ZNF480: variants seen among roughly 807,000 people sequenced by gnomAD.
ZNF480 encodes zinc finger protein 480.
In ZNF480, 15 loss-of-function variants were observed where a neutral mutation model predicts 14.4. That is an observed-to-expected ratio of 1.04 (90% CI 0.70 to 1.60). ZNF480 has a LOEUF of 1.60. ZNF480 is among the 40% of genes most tolerant of loss of function. The pLI, the probability that ZNF480 is intolerant of heterozygous loss-of-function variation, is 0.00. For synonymous variants in ZNF480, 218 were observed against 215.5 expected, an observed-to-expected ratio of 1.01 and a Z score of -0.10; for missense variants, 593 against 629.7, an observed-to-expected ratio of 0.94 and a Z score of 0.62.
At chr19:52,307,763 G>A (rs542522507) in intron 2 of ZNF480, among the ~76,000 whole-genome samples, 63 of 152,330 alleles carry the variant, frequency 4.1e-4, no homozygotes, top group African/African-American at 1.5e-3. Context: ...GGCTCTGGCT[G>A]ATTATCTGCA....
chr19:52,301,719 A>C (rs1158895632), intron 2 of ZNF480: 1 of 152,196 alleles, frequency 6.6e-6, no homozygotes, highest in Non-Finnish European at 1.5e-5. Flanking sequence ...CTGTGACAGC[A>C]ATCAATCCCA....
intron 1 of ZNF480, 44 bp from the exon 2 acceptor site, chr19:52,300,350 G>T (rs751547479): frequency 1.3e-6 from 2 of 1,594,288 alleles, no homozygotes; most frequent in African/African-American, 2.7e-5. Context: ...CAGGAAAAGG[G>T]TGTGTTGATT....
intron 1 of ZNF480, 100 bp downstream of exon 1, chr19:52,297,323 C>G: frequency 4.9e-6 from 2 of 406,940 alleles, no homozygotes; most frequent in Non-Finnish European, 9.8e-6. Context: ...ATCCTCGCAC[C>G]GCTCCCTCTA....
At chr19:52,315,548 C>T (rs187806532) in intron 3 of ZNF480, among the ~76,000 whole-genome samples, 29 of 150,628 alleles carry the variant, frequency 1.9e-4, no homozygotes, top group African/African-American at 7.1e-4. Flanking sequence ...CTCGAACTCC[C>T]GACCTCAGGT....
intron 3 of ZNF480, 149 bp from the exon 4 acceptor site, chr19:52,315,685 T>C: frequency 1.2e-6 from 1 of 857,154 alleles, no homozygotes. Context: ...TGTTATAATA[T>C]TCCCTAAGCA....
chr19:52,322,451 T>C lies in ZNF480; in HGVS notation c.1201T>C (p.Cys401Arg). 6.2e-7 allele frequency: 1 copy of C among 1,614,002 alleles called. No individual in the cohort carries two copies. Among genetic ancestry groups the C allele is most frequent in the Non-Finnish European group, 8.5e-7 (1 of 1,179,958 alleles). Residue 401 changes from cysteine to arginine, a missense_variant, in exon 5 of 5, where the codon TGT becomes CGT. Physicochemically the swap from Cys to Arg is radical, Grantham distance 180. Coordinates refer to ENST00000595962, the MANE Select transcript of ZNF480 (RefSeq NM_144684.4). Reference protein sequence around the residue: ...RIHTGEKPYKCNECGKVFNQL... With the variant: ...RIHTGEKPYKRNECGKVFNQL... Reference sequence around the variant, plus strand: ...TCATACAGGAGAGAAACCTTACAAATGTAATGAATGTGGAAAAGTATTTAA... The same window carrying C: ...TCATACAGGAGAGAAACCTTACAAACGTAATGAATGTGGAAAAGTATTTAA...
At chr19:52,319,708 A>C (rs546445978) in intron 4 of ZNF480, among the ~76,000 whole-genome samples, 23 of 151,138 alleles carry the variant, frequency 1.5e-4, no homozygotes, top group African/African-American at 5.3e-4. Context: ...TGAACCTCTA[A>C]TAATTTGTAT....
At chr19:52,298,359 A>G (rs1047791570) in intron 1 of ZNF480, among the ~76,000 whole-genome samples, 1 of 152,180 alleles carries the variant, frequency 6.6e-6, no homozygotes, top group Non-Finnish European at 1.5e-5. Flanking sequence ...AAGACCGGGC[A>G]CAGTGGCTCA....
chr19:52,298,387 C>G (rs1299418263), intron 1 of ZNF480, among the ~76,000 whole-genome samples: 2 of 152,178 alleles, frequency 1.3e-5, no homozygotes, highest in Non-Finnish European at 2.9e-5. Flanking sequence ...AATCCCAGCA[C>G]TTTGGGAGGC....
At chr19:52,320,450 C>T (rs925752127) in intron 4 of ZNF480, among the ~76,000 whole-genome samples, 5 of 152,214 alleles carry the variant, frequency 3.3e-5, no homozygotes, top group African/African-American at 7.2e-5. Flanking sequence ...CCAAGGAGTT[C>T]GAGACCAGTC....
At chr19:52,300,156 T>C (rs1302955791) in intron 1 of ZNF480, among the ~76,000 whole-genome samples, 4 of 152,218 alleles carry the variant, frequency 2.6e-5, no homozygotes, top group Non-Finnish European at 5.9e-5. Context: ...CCAGGCCAGC[T>C]CCCCACTGCT....
intron 2 of ZNF480, among the ~76,000 whole-genome samples, chr19:52,311,779 C>T (rs1195796110): frequency 6.6e-6 from 1 of 151,798 alleles, no homozygotes; most frequent in Admixed American, 6.6e-5. Context: ...CTCCATGCAA[C>T]CTGGACAACA....
chr19:52,300,767 A>G, intron 2 of ZNF480: 2 of 495,168 alleles, frequency 4.0e-6, no homozygotes, highest in Non-Finnish European at 7.2e-6. Context: ...CCACATATTT[A>G]TTGACAGCAA....
In ZNF480 at chr19:52,322,803, A is replaced by G; in HGVS notation, c.1553A>G (p.Lys518Arg). ...EKPYKCNECG[K>R]AFSRISYLAQ... ...CCTTACAAATGTAATGAGTGTGGCA[A>G]GGCCTTTAGTCGCATTTCATACCTA... The change falls in exon 5 of 5, where the codon AAG becomes AGG. Residue 518 changes from lysine to arginine, a missense_variant. Transcript: ENST00000595962. The G allele has an allele frequency of 1.2e-6, 2 of 1,610,874 alleles. No individual in the cohort carries two copies. Among genetic ancestry groups the G allele is most frequent in the Non-Finnish European group, 1.7e-6 (2 of 1,177,728 alleles).
At position 52,323,159 on chromosome 19, in the gene ZNF480, A is replaced by T. The variant is rs533964486; in HGVS notation, c.*301A>T. 2.3e-5 allele frequency: 6 copies of T among 263,362 alleles called. No individual in the cohort carries two copies. In the East Asian group the frequency reaches 2.9e-4, roughly 13 times the overall value. 16.3% of individuals were successfully genotyped at this position (263,362 alleles called of 1,614,324 possible). On this transcript the variant is annotated 3_prime_UTR_variant, in exon 5 of 5. Transcript: ENST00000595962. ...CCCCACAGAAATACGAAAAACCCTC[A>T]AAGATTACTATAAACACCTGTATGC... is the stretch of plus-strand genomic sequence containing the variant.
intron 2 of ZNF480, among the ~76,000 whole-genome samples, chr19:52,307,900 G>A (rs528310404): frequency 3.3e-5 from 5 of 152,312 alleles, no homozygotes; most frequent in South Asian, 2.1e-4. Flanking sequence ...AGCAGTGTGC[G>A]TCATAGCCAT....
At chr19:52,310,828 G>A (rs989690423) in intron 2 of ZNF480, among the ~76,000 whole-genome samples, 9 of 150,630 alleles carry the variant, frequency 6.0e-5, no homozygotes, top group Non-Finnish European at 1.2e-4. Context: ...GTGAAACCCT[G>A]TCTCTACTAA....
rs1600219522 is a variant in ZNF480, at chr19:52,315,865, C to T, written c.231C>T (p.Ser77=). Residue 77 remains serine (S), a synonymous_variant, in exon 4 of 5, where the codon TCC becomes TCT. Transcript: ENST00000595962. The part of the protein sequence containing the change: ...GISLPDLNIN[S]MLEQRREPWS... ...CTCTTCCTGACCTGAATATTAACTC[C>T]ATGTTGGAGCAAAGGAGGGAGCCCT... 1 of 1,612,526 alleles carries T rather than the reference C, an allele frequency of 6.2e-7. No individual in the cohort carries two copies. The highest frequency in any genetic ancestry group is 1.1e-5 in the South Asian group (1 of 90,906).
chr19:52,312,044 C>T (rs767507080), intron 2 of ZNF480, among the ~76,000 whole-genome samples: 4 of 152,050 alleles, frequency 2.6e-5, no homozygotes, highest in African/African-American at 7.2e-5. Flanking sequence ...GTTGAAATTA[C>T]ATCTGAAATA....
Sources: allele counts gnomAD v4.1 joint callset (sites outside exome capture counted in the v4.1 genomes callset), GRCh38; gene constraint gnomAD v4.1.1; transcripts MANE v1.5; gene names NCBI Gene and HGNC (gene_info 2026-07-23, HGNC 2026-07-21).